Variants in S100Z observed in about 807,000 individuals in gnomAD.
The protein encoded by S100Z is protein S100-Z.
A neutral mutation model predicts 8.5 loss-of-function variants in S100Z; 11 were observed. The ratio of observed to expected loss-of-function variants is 1.30; its 90% confidence interval spans 0.82 to 2.15. S100Z has a LOEUF of 2.15. Among genes scored for constraint, S100Z ranks in the 30% most tolerant of loss-of-function variants. The pLI is 0.00. For synonymous variants in S100Z, 34 were observed against 43.8 expected (o/e 0.78, Z 0.89); for missense variants, 126 against 117.9 (o/e 1.07, Z -0.32).
At chr5:76,919,220 T>C (rs1580070503) in intron 4 of S100Z, among the ~76,000 whole-genome samples, 2 of 152,180 alleles carry the variant, frequency 1.3e-5, no homozygotes, top group Non-Finnish European at 2.9e-5. Flanking sequence ...ACACAACTAC[T>C]GGATTGGATA....
At chr5:76,947,712 C>T in the S100Z span, among the ~76,000 whole-genome samples, 2 of 152,162 alleles carry the variant, frequency 1.3e-5, no homozygotes, top group African/African-American at 4.8e-5. Context: ...TAAATCCACA[C>T]ATATATGGTC....
intron 2 of S100Z, among the ~76,000 whole-genome samples, chr5:76,874,121 A>G (rs139038470): frequency 3.8e-4 from 57 of 151,320 alleles, no homozygotes; most frequent in African/African-American, 1.3e-3. Flanking sequence ...GCACACATAC[A>G]CATGTATTAT....
At chr5:76,903,302 T>A (rs1186088896) in intron 4 of S100Z, among the ~76,000 whole-genome samples, 2 of 152,254 alleles carry the variant, frequency 1.3e-5, no homozygotes, top group East Asian at 3.8e-4. Context: ...TTTTCCATCA[T>A]GTCATATAAA....
At chr5:76,857,075 C>T (rs1049116428) in intron 1 of S100Z, among the ~76,000 whole-genome samples, 4 of 152,102 alleles carry the variant, frequency 2.6e-5, no homozygotes, top group Admixed American at 2.6e-4. Context: ...AGGCAGAACA[C>T]AAGGTCAGGA....
At chr5:76,876,605 A>C (rs1181691710) in intron 3 of S100Z, among the ~76,000 whole-genome samples, 1 of 151,972 alleles carries the variant, frequency 6.6e-6, no homozygotes, top group Non-Finnish European at 1.5e-5. Flanking sequence ...TCCTGACCTC[A>C]AGTGATCTGC....
chr5:76,938,614 A>G, the S100Z span, among the ~76,000 whole-genome samples: 1 of 152,234 alleles, frequency 6.6e-6, no homozygotes, highest in Non-Finnish European at 1.5e-5. Context: ...TTAGTTTTTT[A>G]ATGGTTAGTG....
the S100Z span, among the ~76,000 whole-genome samples, chr5:76,943,193 A>G: frequency 6.6e-6 from 1 of 152,128 alleles, no homozygotes; most frequent in Non-Finnish European, 1.5e-5. Flanking sequence ...TCTGGTACCC[A>G]GACTGTGATG....
the S100Z span, among the ~76,000 whole-genome samples, chr5:76,949,665 A>T: frequency 8.4e-4 from 128 of 152,350 alleles, 1 homozygote; most frequent in Non-Finnish European, 4.3e-4. Context: ...TACAGCATGG[A>T]TGAAACTTGA....
At chr5:76,950,512 G>GA in the S100Z span, among the ~76,000 whole-genome samples, 64 of 152,024 alleles carry the variant, frequency 4.2e-4, no homozygotes, top group South Asian at 6.0e-3. Flanking sequence ...CTTTGTGAAA[G>GA]AAAAAATGTC....
intron 1 of S100Z, among the ~76,000 whole-genome samples, chr5:76,869,383 G>A (rs970983037): frequency 6.6e-6 from 1 of 152,198 alleles, no homozygotes; most frequent in Non-Finnish European, 1.5e-5. Context: ...GAAGAGTGCA[G>A]GAAAATGTCC....
chr5:76,939,571 G>C, the S100Z span, among the ~76,000 whole-genome samples: 408 of 147,998 alleles, frequency 2.8e-3, 2 homozygotes, highest in Non-Finnish European at 4.2e-3. Flanking sequence ...GGAGTGCAAT[G>C]GTGCGATCTT....
At chr5:76,883,160 A>G (rs1263640897) in intron 4 of S100Z, among the ~76,000 whole-genome samples, 1 of 152,124 alleles carries the variant, frequency 6.6e-6, no homozygotes, top group East Asian at 1.9e-4. Flanking sequence ...AAGGGTGATT[A>G]GGTTTTAATG....
intron 1 of S100Z, among the ~76,000 whole-genome samples, chr5:76,864,780 C>T (rs1751206674): frequency 6.6e-6 from 1 of 152,148 alleles, no homozygotes; most frequent in Non-Finnish European, 1.5e-5. Context: ...ACGATCTCGG[C>T]TCGCTGCAAC....
chr5:76,869,176 T>C (rs1047943298), intron 1 of S100Z, among the ~76,000 whole-genome samples: 4 of 152,086 alleles, frequency 2.6e-5, no homozygotes. Flanking sequence ...AATGCATAGA[T>C]GAACCAGATA....
intron 4 of S100Z, among the ~76,000 whole-genome samples, chr5:76,902,221 A>T (rs6866704): frequency 5.3e-5 from 8 of 151,992 alleles, no homozygotes; most frequent in Non-Finnish European, 4.4e-5. Context: ...GCCCCACGTG[A>T]TGTCTCAGTA....
chr5:76,891,711 A>G (rs1743864906), intron 4 of S100Z, among the ~76,000 whole-genome samples: 1 of 152,152 alleles, frequency 6.6e-6, no homozygotes, highest in African/African-American at 2.4e-5. Context: ...TTGCTGGGGC[A>G]TACTTTCTTT....
intron 4 of S100Z, among the ~76,000 whole-genome samples, chr5:76,898,106 T>A (rs1052322835): frequency 6.6e-6 from 1 of 152,148 alleles, no homozygotes; most frequent in African/African-American, 2.4e-5. Flanking sequence ...TCAGTATGAT[T>A]CTAGCTATGG....
intron 1 of S100Z, among the ~76,000 whole-genome samples, chr5:76,860,729 AAGG>A (rs1213692513): frequency 1.3e-5 from 2 of 152,212 alleles, no homozygotes; most frequent in Admixed American, 6.5e-5. Flanking sequence ...TAAGATATTC[AAGG>A]AGGTCATTTG....
intron 4 of S100Z, among the ~76,000 whole-genome samples, chr5:76,900,116 G>A (rs561825583): frequency 1.3e-5 from 2 of 152,214 alleles, no homozygotes; most frequent in African/African-American, 4.8e-5. Flanking sequence ...ATGTATTGGA[G>A]CTCCATTGTA....
Sources: gnomAD v4.1 joint callset for allele counts (sites outside exome capture counted in the v4.1 genomes callset) on GRCh38, gnomAD v4.1.1 for gene constraint, MANE v1.5 for transcripts, NCBI Gene and HGNC (gene_info 2026-07-23, HGNC 2026-07-21) for gene names.